The following PLEKHM2 variants were observed in gnomAD, a reference collection of about 807,000 sequenced individuals.
PLEKHM2 encodes the protein pleckstrin homology domain-containing family M member 2.
PLEKHM2 carries 77 observed loss-of-function variants against 116.3 expected under a neutral mutation model. That is an observed-to-expected ratio of 0.66 (90% CI 0.55 to 0.80). The LOEUF is 0.80. PLEKHM2 is among the 30% of genes least tolerant of loss of function. PLEKHM2 has a pLI of 0.00. For synonymous variants in PLEKHM2, 562 were observed against 571.0 expected (o/e 0.98, Z 0.22); for missense variants, 1,183 against 1,354.9 (o/e 0.87, Z 1.99).
chr1:15,725,478 T>C lies in PLEKHM2; in HGVS notation c.874T>C (p.Ser292Pro), dbSNP rs1479735378. Residue 292 changes from serine to proline, a missense_variant, in exon 8 of 20, where the codon TCT (serine) becomes CCT (proline). Ser to Pro is a moderately conservative substitution (Grantham distance 74, BLOSUM62 -1). This residue lies in a region of PLEKHM2 where 372 missense variants were observed against 357.2 expected (regional missense o/e 1.04). Coordinates refer to ENST00000375799, the MANE Select transcript of PLEKHM2 (RefSeq NM_015164.4). ...TGACACCACCCCCGTGCACACCACC[T>C]CTCAGGAGAAGGAGGAGGCCCAGGC... The part of the protein sequence containing the change: ...SSDTTPVHTT[S>P]QEKEEAQALD... 6.3e-7 allele frequency: 1 copy of C among 1,580,908 alleles called. No individual in the cohort carries two copies. Among genetic ancestry groups the C allele is most frequent in the South Asian group, 1.2e-5 (1 of 85,984 alleles).
intron 7 of PLEKHM2, 95 bp from the exon 8 acceptor site, chr1:15,725,222 C>T (rs1279535840): frequency 9.2e-6 from 8 of 865,324 alleles, no homozygotes; most frequent in Non-Finnish European, 1.9e-6. Flanking sequence ...GAGGAACTGG[C>T]CAGCCTGCCT....
At chr1:15,732,234 TG>T in intron 17 of PLEKHM2, 115 bp from the exon 18 acceptor site, 2 of 1,022,734 alleles carry the variant, frequency 2.0e-6, no homozygotes, top group Non-Finnish European at 2.9e-6. Flanking sequence ...TCCCGATCCC[TG>T]GAGGGAGATC....
At chr1:15,708,344 G>A (rs1265589300) in intron 1 of PLEKHM2, among the ~76,000 whole-genome samples, 2 of 151,866 alleles carry the variant, frequency 1.3e-5, no homozygotes, top group Non-Finnish European at 2.9e-5. Flanking sequence ...AGCCTCCCGA[G>A]TAGCTGGGGC....
intron 1 of PLEKHM2, among the ~76,000 whole-genome samples, chr1:15,696,577 C>G (rs879338259): frequency 1.3e-5 from 2 of 152,040 alleles, no homozygotes; most frequent in Non-Finnish European, 2.9e-5. Flanking sequence ...TCTCGAACTC[C>G]TGACCTCAGG....
chr1:15,691,241 T>G (rs1012089904), intron 1 of PLEKHM2, among the ~76,000 whole-genome samples: 9 of 152,158 alleles, frequency 5.9e-5, no homozygotes, highest in Admixed American at 5.2e-4. Flanking sequence ...AGCTAATTTT[T>G]AATTTTTTAG....
Position 15,727,147 on chromosome 1 carries a change from AGCCTTG to A in PLEKHM2, c.1077_1082del (p.Ser359_Gly361delinsArg). On this transcript the variant is annotated inframe_deletion, in exon 9 of 20. Coordinates refer to ENST00000375799, the MANE Select transcript of PLEKHM2 (RefSeq NM_015164.4). This position sits in a 1 kb window ranked among gnomAD's most constrained non-coding sequence, Gnocchi z 7.5. ...CGGTGACAGCCGCAACGGCAGCCCA[AGCCTTG>A]GGCGGGACTCGCCAGACACTATGCT... The A allele has an allele frequency of 6.3e-7, 1 of 1,596,970 alleles. No individual in the cohort carries two copies. Among genetic ancestry groups the A allele is most frequent in the Non-Finnish European group, 8.5e-7 (1 of 1,171,160 alleles).
At chr1:15,683,830 GT>G (rs1640698336), upstream of PLEKHM2, among the ~76,000 whole-genome samples, 1 of 150,504 alleles carries the variant, frequency 6.6e-6, no homozygotes, top group Admixed American at 6.6e-5. Context: ...AGGAGGGCCG[GT>G]GTCCCGGGCA....
At chr1:15,713,137 GAC>G (rs1641369670) in intron 1 of PLEKHM2, among the ~76,000 whole-genome samples, 2 of 151,822 alleles carry the variant, frequency 1.3e-5, no homozygotes, top group African/African-American at 4.8e-5. Flanking sequence ...TGTTTTTGTA[GAC>G]ACAGCGTTTT....
chr1:15,696,386 C>G (rs955596754), intron 1 of PLEKHM2, among the ~76,000 whole-genome samples: 2 of 152,150 alleles, frequency 1.3e-5, no homozygotes, highest in Non-Finnish European at 2.9e-5. Context: ...TTTTGCTCTT[C>G]TTGCCCAGGC....
At chr1:15,698,226 T>C (rs1641038215) in intron 1 of PLEKHM2, among the ~76,000 whole-genome samples, 1 of 152,084 alleles carries the variant, frequency 6.6e-6, no homozygotes, top group African/African-American at 2.4e-5. Context: ...TTTTTATTTT[T>C]AGAGACAGGG....
intron 1 of PLEKHM2, 126 bp from the exon 2 acceptor site, chr1:15,716,111 C>T (rs1017922786): frequency 1.3e-5 from 8 of 626,902 alleles, no homozygotes; most frequent in East Asian, 5.5e-5. Flanking sequence ...TTGAGGTAGA[C>T]GTCTCTGCTG....
chr1:15,712,688 T>C (rs1240680277), intron 1 of PLEKHM2, among the ~76,000 whole-genome samples: 1 of 151,228 alleles, frequency 6.6e-6, no homozygotes, highest in African/African-American at 2.4e-5. Flanking sequence ...TGCTCCAGGC[T>C]GGAGTGCAGT....
Position 15,728,682 on chromosome 1 carries a change from G to T in PLEKHM2, c.1935G>T (p.Lys645Asn). The T allele has an allele frequency of 6.2e-7, 1 of 1,611,462 alleles. No homozygotes were observed. Among genetic ancestry groups the T allele is most frequent in the Admixed American group, 1.7e-5 (1 of 59,652 alleles). The change falls in exon 12 of 20, where the codon AAG becomes AAT. Residue 645 changes from lysine to asparagine, a missense_variant. Physicochemically the swap from Lys to Asn is moderately conservative, Grantham distance 94. Around this residue, in one of 3 missense-constraint regions of PLEKHM2, gnomAD observed 594 missense variants for 720.1 expected, o/e 0.82. Coordinates refer to ENST00000375799, the MANE Select transcript of PLEKHM2 (RefSeq NM_015164.4). The surrounding 1 kb of genome is among the most constrained non-coding windows in gnomAD (Gnocchi z 5.9). ...TTCCTCTCTCAGGGGCCACAGAGAA[G>T]CCATACCTGGTGGAAGAGGCCGTTT... is the stretch of plus-strand genomic sequence containing the variant. ...VYLLRKGATE[K>N]PYLVEEAVSY... is the part of the protein sequence containing the mutation.
rs752164611 is a variant in PLEKHM2 at position 15,725,625 on chromosome 1, G to A, written c.941+80G>A. ...CTCCCAGCATCAGCTGTTCATCCAG[G>A]GCAGACCGGGACACCCCCTGAGGGC... On this transcript the variant is annotated intron_variant, in intron 8 of 19. Transcript: ENST00000375799. 5.6e-5 allele frequency: 58 copies of A among 1,042,426 alleles called. No individual in the cohort carries two copies. The Middle Eastern group carries it at 8.9e-4, about 16-fold the overall frequency. 64.6% of individuals were successfully genotyped at this position (1,042,426 alleles called of 1,614,324 possible).
intron 1 of PLEKHM2, among the ~76,000 whole-genome samples, chr1:15,715,164 G>A (rs1325261262): frequency 8.5e-6 from 1 of 117,124 alleles, no homozygotes; most frequent in East Asian, 1.9e-4. Context: ...ATGTCAAGAA[G>A]GCTGGCAAGA....
Position 15,731,890 on chromosome 1 carries a change from G to A in PLEKHM2, c.2467G>A (p.Gly823Arg), listed in dbSNP as rs913977739. The change falls in exon 17 of 20, where the codon GGG becomes AGG. Residue 823 changes from glycine (G) to arginine (R), a missense_variant and splice_region_variant. By Grantham distance (125) the Gly-to-Arg change is moderately radical. Coordinates refer to ENST00000375799, the MANE Select transcript of PLEKHM2 (RefSeq NM_015164.4). ...VIPLLSVNMGGEQCGGCRRAN... is the reference protein window; with the variant it reads ...VIPLLSVNMGREQCGGCRRAN... ...TTTCACCCTCCTCCTCTGGCCCAGG[G>A]GGGAGCAGTGCGGTGGCTGCCGGAG... is the stretch of plus-strand genomic sequence containing the variant. The A allele has an allele frequency of 1.2e-6, 2 of 1,610,400 alleles. No individual in the cohort carries two copies. The highest frequency in any genetic ancestry group is 8.5e-7 in the Non-Finnish European group (1 of 1,178,814).
At chr1:15,732,845 A>G in intron 19 of PLEKHM2, 117 bp downstream of exon 19, 1 of 680,556 alleles carries the variant, frequency 1.5e-6, no homozygotes, top group East Asian at 2.7e-5. Context: ...GGTCCTGGGC[A>G]CAGCCATGTA....
At position 15,718,560 on chromosome 1, in the gene PLEKHM2, G is replaced by A. The variant is rs373180239; in HGVS notation, c.400G>A (p.Asp134Asn). ...CAGGAATGCCCTGGTCTGCAGCCAC[G>A]ATCACCTGACGCTCTTCCTGACCTT... is the stretch of plus-strand genomic sequence containing the variant. ...YVKNALVCSHDHLTLFLTLVS... is the reference protein window; with the variant it reads ...YVKNALVCSHNHLTLFLTLVS... Residue 134 changes from aspartate to asparagine, a missense_variant, in exon 5 of 20, where the codon GAT (aspartate) becomes AAT (asparagine). Physicochemically the swap from Asp to Asn is conservative, Grantham distance 23. This residue lies in a region of PLEKHM2 where 217 missense variants were observed against 277.6 expected (regional missense o/e 0.78). Transcript: ENST00000375799. The A allele has an allele frequency of 4.4e-5, 70 of 1,576,152 alleles. 1 individual carries two copies. The East Asian group carries it at 6.9e-4, about 16-fold the overall frequency.
chr1:15,687,268 G>A (rs772274142), intron 1 of PLEKHM2, among the ~76,000 whole-genome samples: 1 of 151,756 alleles, frequency 6.6e-6, no homozygotes, highest in Admixed American at 6.6e-5. Context: ...TCAGGTTCAC[G>A]CCATTCTCCT....
Sources: gnomAD v4.1 joint callset for allele counts (sites outside exome capture counted in the v4.1 genomes callset) on GRCh38, gnomAD v4.1.1 for gene constraint, gnomAD v4.1.1 regional missense constraint, Gnocchi (gnomAD v3.1) non-coding constraint, MANE v1.5 for transcripts, NCBI Gene and HGNC (gene_info 2026-07-23, HGNC 2026-07-21) for gene names.